The following TTC3 variants were observed in gnomAD, a reference collection of about 807,000 sequenced individuals.
TTC3 encodes tetratricopeptide repeat domain 3.
A neutral mutation model predicts 249.6 loss-of-function variants in TTC3; 180 were observed. The observed-to-expected ratio is 0.72, with a 90% CI of 0.64 to 0.82. The LOEUF (loss-of-function observed/expected upper bound fraction) is 0.82. TTC3 is among the 40% of genes least tolerant of loss of function. The pLI is 0.00. For synonymous variants in TTC3, 717 were observed against 805.0 expected, an observed-to-expected ratio of 0.89 and a Z score of 1.85; for missense variants, 2,061 against 2,398.4, an observed-to-expected ratio of 0.86 and a Z score of 2.94.
At chr21:37,111,139 G>A (rs2075619381) in intron 11 of TTC3, among the ~76,000 whole-genome samples, 1 of 152,166 alleles carries the variant, frequency 6.6e-6, no homozygotes, top group South Asian at 2.1e-4. Context: ...GGAAGAAACT[G>A]CATCAACTAA....
Position 37,135,631 on chromosome 21 carries a change from C to T in TTC3, c.1578+117C>T, listed in dbSNP as rs2077864124. Reference sequence around the variant, plus strand: ...GTACCTAAGACCTTGCTGAGATTGGCTGAATCTACTTCAGGTTATGGGAAG... The same window carrying T: ...GTACCTAAGACCTTGCTGAGATTGGTTGAATCTACTTCAGGTTATGGGAAG... On this transcript the variant is annotated intron_variant, in intron 18 of 45. Coordinates refer to ENST00000355666, the Ensembl canonical transcript of TTC3. The T allele has an allele frequency of 7.3e-6, 9 of 1,229,684 alleles. No individual in the cohort carries two copies. In the East Asian group the frequency reaches 1.6e-4, roughly 21 times the overall value. 76.2% of individuals were successfully genotyped at this position (1,229,684 alleles called of 1,614,324 possible).
exon 33 of TTC3, chr21:37,166,582 A>G (rs1197977641): frequency 6.2e-7 from 1 of 1,613,690 alleles, no homozygotes; most frequent in South Asian, 1.1e-5. Flanking sequence ...GTGCAGTAAC[A>G]AACATTCCAC....
At chr21:37,094,411 T>G (rs2073688416) in intron 8 of TTC3, among the ~76,000 whole-genome samples, 1 of 152,230 alleles carries the variant, frequency 6.6e-6, no homozygotes, top group African/African-American at 2.4e-5. Context: ...TAAAAGGAAT[T>G]TGGGAAAATA....
chr21:37,198,004 A>T (rs375845056), exon 44 of TTC3: 36 of 1,612,852 alleles, frequency 2.2e-5, no homozygotes, highest in Non-Finnish European at 3.0e-5. Context: ...GGCAGAAAGC[A>T]GAAGATGTCC....
exon 46 of TTC3, chr21:37,201,484 C>G (rs1275474673): frequency 6.2e-7 from 1 of 1,613,888 alleles, no homozygotes; most frequent in South Asian, 1.1e-5. Flanking sequence ...GCCCGGCCTG[C>G]CAGGGTCGTG....
At position 37,172,735 on chromosome 21, in the gene TTC3, A is replaced by G. The variant is rs748809507; in HGVS notation, c.4608A>G (p.Glu1536=). The change falls in exon 35 of 46, where the codon GAA becomes GAG. Residue 1536 remains glutamate (E), a synonymous_variant. Transcript: ENST00000355666. ...AAGAGAAGTTGAAAAGGCACTTAGA[A>G]GAAAACAAGGTAATCCTGTCTGAAA... 6 of 1,613,920 alleles carry G rather than the reference A, an allele frequency of 3.7e-6. No homozygotes were observed. The South Asian group carries it at 6.6e-5, about 18-fold the overall frequency.
chr21:37,192,770 G>C (rs1233528430), intron 41 of TTC3, among the ~76,000 whole-genome samples: 1 of 152,170 alleles, frequency 6.6e-6, no homozygotes, highest in African/African-American at 2.4e-5. Flanking sequence ...CTATTTGTTT[G>C]AGGTATTTGC....
intron 36 of TTC3, among the ~76,000 whole-genome samples, chr21:37,183,701 T>G (rs1602063020): frequency 1.3e-5 from 2 of 152,276 alleles, no homozygotes; most frequent in East Asian, 3.9e-4. Context: ...GTAGCCTCTC[T>G]GTGATTTTTA....
At chr21:37,190,098 C>T (rs896321632) in intron 39 of TTC3, among the ~76,000 whole-genome samples, 1 of 147,518 alleles carries the variant, frequency 6.8e-6, no homozygotes, top group African/African-American at 2.5e-5. Context: ...GTGTGAATCA[C>T]GGACAGTTTT....
At chr21:37,164,074 G>A (rs111331118) in exon 32 of TTC3, 4 of 1,609,154 alleles carry the variant, frequency 2.5e-6, no homozygotes, top group Non-Finnish European at 3.4e-6. Context: ...GATTCTGCAG[G>A]CCCATTTGCA....
At position 37,089,222 on chromosome 21, in the gene TTC3, A is replaced by G. The variant is rs1159655593; in HGVS notation, c.426+336A>G. On this transcript the variant is annotated intron_variant, in intron 5 of 45. Transcript: ENST00000355666. ...GCTCTATCTGTTGATATAAAATCAC[A>G]TCACCATCAACAAATATTTTGTCTT... Among the ~76,000 whole-genome samples the G allele has an allele frequency of 2.0e-5, 3 of 152,346 alleles. No homozygotes were observed. In the East Asian group the frequency reaches 5.8e-4, roughly 29 times the overall value.
At chr21:37,104,151 G>C (rs2074813137) in intron 10 of TTC3, among the ~76,000 whole-genome samples, 1 of 152,190 alleles carries the variant, frequency 6.6e-6, no homozygotes, top group Admixed American at 6.5e-5. Context: ...TGGAACTTGA[G>C]AGTGAAGGTG....
chr21:37,088,866 G>T lies in TTC3; in HGVS notation c.406G>T (p.Asp136Tyr). Residue 136 changes from aspartate (D) to tyrosine (Y), a missense_variant, in exon 5 of 46, where the codon GAT (aspartate) becomes TAT (tyrosine). Asp to Tyr is a radical substitution (Grantham distance 160). Transcript: ENST00000355666. ...TCTTGAGTTGATGGAAGATATTGTG[G>T]ATTTGGCAAAGAAAGTTGCTGTAAG... is the stretch of plus-strand genomic sequence containing the variant. 1.2e-6 allele frequency: 2 copies of T among 1,613,680 alleles called. No individual in the cohort carries two copies. The highest frequency in any genetic ancestry group is 1.7e-6 in the Non-Finnish European group (2 of 1,179,854).
intron 29 of TTC3, among the ~76,000 whole-genome samples, chr21:37,160,134 C>T (rs188417906): frequency 1.6e-4 from 24 of 152,146 alleles, no homozygotes; most frequent in African/African-American, 3.1e-4. Context: ...CTCTAAATTA[C>T]GTTTAAGTTA....
exon 17 of TTC3, chr21:37,132,762 A>G: frequency 1.2e-6 from 2 of 1,601,166 alleles, no homozygotes; most frequent in African/African-American, 1.3e-5. Context: ...AGAGCTGCAC[A>G]CCAGGTAATG....
At position 37,097,378 on chromosome 21, in the gene TTC3, G is replaced by A. The variant is rs560151275; in HGVS notation, c.845+735G>A. ...CCTGCCTTACTGTAAGAAAGGTGTA[G>A]GGTGAATTCAAGAATACATCCACAC... On this transcript the variant is annotated intron_variant, in intron 10 of 45. Coordinates refer to ENST00000355666, the Ensembl canonical transcript of TTC3. Among the ~76,000 whole-genome samples the A allele has an allele frequency of 1.5e-3, 224 of 152,208 alleles. 2 individuals are homozygous for A. The highest frequency in any genetic ancestry group is 4.9e-3 in the African/African-American group (205 of 41,530).
chr21:37,113,032 G>T (rs1345136838), intron 11 of TTC3, among the ~76,000 whole-genome samples: 1 of 152,152 alleles, frequency 6.6e-6, no homozygotes, highest in African/African-American at 2.4e-5. Flanking sequence ...GGTATTGATG[G>T]GATGTATTTC....
At chr21:37,189,462 T>G (rs1472418303) in intron 39 of TTC3, among the ~76,000 whole-genome samples, 1 of 152,130 alleles carries the variant, frequency 6.6e-6, no homozygotes, top group Non-Finnish European at 1.5e-5. Flanking sequence ...GCCAGGATGG[T>G]CTCTATCTCC....
chr21:37,139,478 T>C (rs180779390), intron 19 of TTC3, among the ~76,000 whole-genome samples: 133 of 152,276 alleles, frequency 8.7e-4, no homozygotes, highest in Non-Finnish European at 1.7e-3. Context: ...AAGTATAATA[T>C]ATAATTTGGT....
Sources: allele counts gnomAD v4.1 joint callset (sites outside exome capture counted in the v4.1 genomes callset), GRCh38; gene constraint gnomAD v4.1.1; transcripts MANE v1.5; gene names NCBI Gene and HGNC (gene_info 2026-07-23, HGNC 2026-07-21).